The following PMFBP1 variants were observed in gnomAD, a reference collection of about 807,000 sequenced individuals.
PMFBP1 encodes polyamine modulated factor 1 binding protein 1.
Under a neutral mutation model 137.8 loss-of-function variants are expected in PMFBP1, and 131 were observed. The ratio of observed to expected loss-of-function variants is 0.95; its 90% CI spans 0.82 to 1.10. PMFBP1 has a LOEUF of 1.10. Ranked by LOEUF, PMFBP1 falls within the 50% of genes least tolerant of loss-of-function variation. PMFBP1 has a pLI of 0.00. For missense variants in PMFBP1, 1,199 were observed against 1,175.4 expected (o/e 1.02, Z -0.29); for synonymous variants, 490 against 450.4 (o/e 1.09, Z -1.11).
At chr16:72,176,637 T>C (rs1399739075), upstream of PMFBP1, among the ~76,000 whole-genome samples, 2 of 152,238 alleles carry the variant, frequency 1.3e-5, no homozygotes, top group Non-Finnish European at 2.9e-5. Context: ...ATCTGGAACA[T>C]GAGGCCTTAA....
intron 2 of PMFBP1, among the ~76,000 whole-genome samples, chr16:72,169,183 AC>A (rs1461814516): frequency 6.6e-6 from 1 of 152,208 alleles, no homozygotes; most frequent in Non-Finnish European, 1.5e-5. Flanking sequence ...GAGGATGAGG[AC>A]AAATCTTCAA....
chr16:72,168,166 T>C (rs1171739179), intron 2 of PMFBP1, among the ~76,000 whole-genome samples: 2 of 152,220 alleles, frequency 1.3e-5, no homozygotes, highest in Non-Finnish European at 2.9e-5. Context: ...AACAAATATG[T>C]TTTGATGGAT....
the PMFBP1 span, among the ~76,000 whole-genome samples, chr16:72,236,427 G>A: frequency 6.6e-6 from 1 of 152,306 alleles, no homozygotes; most frequent in East Asian, 1.9e-4. Flanking sequence ...GAACTTGCTA[G>A]TTTGTAAGTG....
At chr16:72,208,501 T>C in the PMFBP1 span, among the ~76,000 whole-genome samples, 1 of 152,278 alleles carries the variant, frequency 6.6e-6, no homozygotes. Context: ...TCCATTCTAA[T>C]TATATTTTCC....
intron 2 of PMFBP1, among the ~76,000 whole-genome samples, chr16:72,167,604 C>T (rs2043163608): frequency 6.6e-6 from 1 of 152,104 alleles, no homozygotes; most frequent in Admixed American, 6.5e-5. Context: ...GCTTTGGATC[C>T]CTTTCCTGTG....
chr16:72,117,391 C>T (rs2042318802), downstream of PMFBP1, among the ~76,000 whole-genome samples: 1 of 152,120 alleles, frequency 6.6e-6, no homozygotes, highest in Admixed American at 6.5e-5. Flanking sequence ...ATTAGTTCTA[C>T]CAGGCTCTTT....
At chr16:72,202,570 G>GT in the PMFBP1 span, among the ~76,000 whole-genome samples, 1 of 152,164 alleles carries the variant, frequency 6.6e-6, no homozygotes, top group Non-Finnish European at 1.5e-5. Flanking sequence ...CTGTAGTGTG[G>GT]TCTCTGCTGA....
chr16:72,119,683 T>C, intron 20 of PMFBP1, 168 bp downstream of exon 20: 1 of 1,456,538 alleles, frequency 6.9e-7, no homozygotes, highest in Admixed American at 2.8e-5. Context: ...GGGGTCTTAA[T>C]TTGCCTCCTC....
chr16:72,138,250 G>A (rs1342480646), intron 7 of PMFBP1, among the ~76,000 whole-genome samples: 2 of 152,178 alleles, frequency 1.3e-5, no homozygotes, highest in Non-Finnish European at 2.9e-5. Flanking sequence ...GGATTGGAAA[G>A]TCCTGGAAAG....
chr16:72,238,684 CA>C, the PMFBP1 span, among the ~76,000 whole-genome samples: 2 of 152,280 alleles, frequency 1.3e-5, no homozygotes, highest in East Asian at 3.9e-4. Context: ...ATGTTTTGAG[CA>C]TATTTTCAGA....
At chr16:72,147,223 A>G (rs1268831099) in intron 5 of PMFBP1, among the ~76,000 whole-genome samples, 1 of 152,176 alleles carries the variant, frequency 6.6e-6, no homozygotes, top group African/African-American at 2.4e-5. Flanking sequence ...AACACCACAC[A>G]TCTACAACCC....
At chr16:72,223,811 T>G in the PMFBP1 span, among the ~76,000 whole-genome samples, 1 of 152,292 alleles carries the variant, frequency 6.6e-6, no homozygotes, top group East Asian at 1.9e-4. Context: ...CAAGCTTTAC[T>G]GAAAGGAATA....
intron 5 of PMFBP1, among the ~76,000 whole-genome samples, chr16:72,150,012 G>T (rs1014199350): frequency 3.3e-5 from 5 of 152,282 alleles, no homozygotes; most frequent in Non-Finnish European, 7.4e-5. Context: ...TCTATCTAGA[G>T]AGCCTATAAT....
the PMFBP1 span, among the ~76,000 whole-genome samples, chr16:72,195,256 G>C: frequency 6.6e-6 from 1 of 152,154 alleles, no homozygotes; most frequent in African/African-American, 2.4e-5. Context: ...CTGTTGGGCT[G>C]GTCAAGCTGT....
At chr16:72,172,879 C>T (rs1391846457), upstream of PMFBP1, among the ~76,000 whole-genome samples, 3 of 152,184 alleles carry the variant, frequency 2.0e-5, no homozygotes, top group East Asian at 5.8e-4. Context: ...CGCCAATAGA[C>T]TTGCTTGATG....
At chr16:72,165,225 G>A (rs1346188835) in intron 2 of PMFBP1, among the ~76,000 whole-genome samples, 2 of 152,102 alleles carry the variant, frequency 1.3e-5, no homozygotes, top group Non-Finnish European at 2.9e-5. Flanking sequence ...GGCACCTACT[G>A]GACTGTCTAT....
chr16:72,212,054 T>A, the PMFBP1 span, among the ~76,000 whole-genome samples: 1 of 151,870 alleles, frequency 6.6e-6, no homozygotes, highest in Non-Finnish European at 1.5e-5. Context: ...GAAGGTAACA[T>A]CAAGAAAATC....
At chr16:72,239,100 C>G in the PMFBP1 span, among the ~76,000 whole-genome samples, 2 of 152,128 alleles carry the variant, frequency 1.3e-5, no homozygotes, top group African/African-American at 4.8e-5. Flanking sequence ...GTTATTAGTG[C>G]TGAGATTGAG....
chr16:72,248,939 C>A, the PMFBP1 span, among the ~76,000 whole-genome samples: 2 of 152,104 alleles, frequency 1.3e-5, no homozygotes, highest in Non-Finnish European at 2.9e-5. Flanking sequence ...GAATTTAGGT[C>A]AATTACCTTT....
Sources: allele counts gnomAD v4.1 joint callset (sites outside exome capture counted in the v4.1 genomes callset), GRCh38; gene constraint gnomAD v4.1.1; transcripts MANE v1.5; gene names NCBI Gene and HGNC (gene_info 2026-07-23, HGNC 2026-07-21).